The following SIK3 variants were observed in gnomAD, a reference collection of about 807,000 sequenced individuals.
The protein encoded by SIK3 is serine/threonine-protein kinase SIK3.
SIK3 carries 28 observed loss-of-function variants against 144.2 expected under a neutral mutation model. The ratio of observed to expected loss-of-function variants is 0.19; its 90% CI spans 0.14 to 0.27. SIK3 has a LOEUF of 0.27. Among genes scored for constraint, SIK3 ranks in the 10% least tolerant of loss-of-function variants. The probability of loss-of-function intolerance (pLI) is 1.00; values close to 1 mark genes in which losing one functional copy is unlikely to be tolerated. For missense variants in SIK3, 1,319 were observed against 1,776.0 expected (o/e 0.74, Z 4.62); for synonymous variants, 686 against 676.3 (o/e 1.01, Z -0.22).
intron 4 of SIK3, among the ~76,000 whole-genome samples, chr11:116,906,452 GA>G: frequency 1.3e-5 from 2 of 152,202 alleles, no homozygotes; most frequent in African/African-American, 4.8e-5. Flanking sequence ...ATTTTTGAAA[GA>G]AAAAGTAGAG....
intron 4 of SIK3, among the ~76,000 whole-genome samples, chr11:116,924,336 TC>T (rs991926168): frequency 1.3e-5 from 2 of 150,932 alleles, no homozygotes; most frequent in Admixed American, 6.6e-5. Flanking sequence ...TTTAACTAAA[TC>T]AAAATCATCC....
At chr11:116,956,908 G>T in intron 2 of SIK3, 40 bp downstream of exon 2, 1 of 1,269,102 alleles carries the variant, frequency 7.9e-7, no homozygotes, top group Non-Finnish European at 1.1e-6. Flanking sequence ...ACAATATTCT[G>T]GGTTCTTTGC....
chr11:117,094,242 A>G (rs1955372358), intron 1 of SIK3, among the ~76,000 whole-genome samples: 1 of 152,176 alleles, frequency 6.6e-6, no homozygotes, highest in Non-Finnish European at 1.5e-5. Context: ...AGTGATATAT[A>G]TTTGTTGAAA....
intron 3 of SIK3, among the ~76,000 whole-genome samples, chr11:116,938,284 GGAGAGGAGAGGAGAGGAGAA>G (rs1948042761): frequency 2.3e-5 from 2 of 88,770 alleles, no homozygotes; most frequent in African/African-American, 5.5e-5. Context: ...GGAGAGGAGA[GGAGAGGAGAGGAGAGGAGAA>G]GAGAAGGAGA....
At chr11:117,033,957 G>A (rs1022988124) in intron 1 of SIK3, among the ~76,000 whole-genome samples, 27 of 152,052 alleles carry the variant, frequency 1.8e-4, no homozygotes, top group Middle Eastern at 3.4e-3. Context: ...TGTCACTGGA[G>A]GTCACCTTTT....
intron 6 of SIK3, among the ~76,000 whole-genome samples, chr11:116,893,484 C>T (rs767611493): frequency 6.6e-6 from 1 of 151,798 alleles, no homozygotes; most frequent in Non-Finnish European, 1.5e-5. Context: ...TGAGATCAGC[C>T]TGGACAACAT....
At position 116,950,827 on chromosome 11, in the gene SIK3, T is replaced by C. The variant is rs950854840; in HGVS notation, c.454+3217A>G. 3.9e-5 allele frequency among the ~76,000 whole-genome samples: 6 copies of C among 152,378 alleles called. No individual in the cohort carries two copies. The South Asian group carries it at 6.2e-4, about 16-fold the overall frequency. On this transcript the variant is annotated intron_variant, in intron 3 of 24. Transcript: ENST00000445177. ...GCCTGGACGGGAATTTCCACCTTGC[T>C]GACCAGACTTTGTTTCTTACCGAAT...
At chr11:116,932,825 G>A (rs1414179737) in intron 3 of SIK3, among the ~76,000 whole-genome samples, 1 of 151,978 alleles carries the variant, frequency 6.6e-6, no homozygotes, top group African/African-American at 2.4e-5. Context: ...TTTGTTTTTT[G>A]AGAAAGAGTC....
intron 1 of SIK3, among the ~76,000 whole-genome samples, chr11:116,969,013 C>T (rs1386503421): frequency 6.6e-6 from 1 of 151,922 alleles, no homozygotes; most frequent in Admixed American, 6.6e-5. Flanking sequence ...GACAGACGGC[C>T]GACGCGGTGG....
intron 1 of SIK3, among the ~76,000 whole-genome samples, chr11:116,996,819 CAAAAAAA>C (rs11329513): frequency 8.6e-5 from 5 of 58,406 alleles, no homozygotes; most frequent in East Asian, 1.3e-3. Flanking sequence ...GACTCTCTCT[CAAAAAAA>C]AAAAAAAAAA....
At chr11:117,063,222 T>C (rs565130480) in intron 1 of SIK3, among the ~76,000 whole-genome samples, 30 of 152,298 alleles carry the variant, frequency 2.0e-4, no homozygotes, top group African/African-American at 7.2e-4. Context: ...TTAAACACCC[T>C]CCCCTTTCTC....
chr11:116,889,141 G>C (rs944199091), intron 6 of SIK3, among the ~76,000 whole-genome samples: 8 of 152,232 alleles, frequency 5.3e-5, no homozygotes, highest in Non-Finnish European at 8.8e-5. Flanking sequence ...CTTATTACCT[G>C]TGTGGCTTTG....
intron 1 of SIK3, among the ~76,000 whole-genome samples, chr11:116,969,277 A>G (rs1591448800): frequency 7.6e-6 from 1 of 131,100 alleles, no homozygotes; most frequent in East Asian, 2.1e-4. Context: ...GAGACAGAGC[A>G]AGACTCCGTC....
intron 1 of SIK3, among the ~76,000 whole-genome samples, chr11:117,034,920 G>A (rs1591581422): frequency 6.6e-6 from 1 of 152,310 alleles, no homozygotes; most frequent in African/African-American, 2.4e-5. Context: ...ACAGCAATCA[G>A]TGTACCTTGC....
chr11:117,087,624 G>A (rs1042272451), intron 1 of SIK3, among the ~76,000 whole-genome samples: 1 of 152,096 alleles, frequency 6.6e-6, no homozygotes, highest in Non-Finnish European at 1.5e-5. Flanking sequence ...AGGCAGATGG[G>A]GAGACAGATA....
At chr11:117,031,687 A>ATTTTTTTT (rs57524562) in intron 1 of SIK3, among the ~76,000 whole-genome samples, 36 of 81,532 alleles carry the variant, frequency 4.4e-4, no homozygotes, top group African/African-American at 7.4e-4. Flanking sequence ...CACCCGGCTA[A>ATTTTTTTT]TTTTTTTTTT....
chr11:117,011,236 CAG>C (rs1951241239), intron 1 of SIK3, among the ~76,000 whole-genome samples: 1 of 151,874 alleles, frequency 6.6e-6, no homozygotes, highest in Non-Finnish European at 1.5e-5. Flanking sequence ...CCCCTGTAAA[CAG>C]AAGCTGCAAA....
chr11:117,078,534 C>T (rs1048615256), intron 1 of SIK3, among the ~76,000 whole-genome samples: 1 of 151,378 alleles, frequency 6.6e-6, no homozygotes, highest in Non-Finnish European at 1.5e-5. Flanking sequence ...CCTGCCTCAG[C>T]CTCCCAAGTA....
chr11:116,956,335 CAAAA>C (rs67306337), intron 2 of SIK3, among the ~76,000 whole-genome samples: 1 of 128,326 alleles, frequency 7.8e-6, no homozygotes, highest in Non-Finnish European at 1.7e-5. Context: ...TTGGGAAGAC[CAAAA>C]AAAAAAAAAA....
Sources: gnomAD v4.1 joint callset for allele counts (sites outside exome capture counted in the v4.1 genomes callset) on GRCh38, gnomAD v4.1.1 for gene constraint, MANE v1.5 for transcripts, NCBI Gene and HGNC (gene_info 2026-07-23, HGNC 2026-07-21) for gene names.